The following DMXL2 variants were observed in gnomAD, a reference collection of about 807,000 sequenced individuals.
The protein encoded by DMXL2 is Dmx like 2.
Under a neutral mutation model 331.1 loss-of-function variants are expected in DMXL2, and 103 were observed. The ratio of observed to expected loss-of-function variants is 0.31; its 90% CI spans 0.27 to 0.37. The LOEUF is 0.37. DMXL2 is among the 10% of genes least tolerant of loss of function. The pLI, the probability that DMXL2 is intolerant of heterozygous loss-of-function variation, is 1.00. For synonymous variants in DMXL2, 1,281 were observed against 1,252.1 expected (o/e 1.02, Z -0.49); for missense variants, 3,171 against 3,642.9 (o/e 0.87, Z 3.33).
At chr15:51,564,092 T>C (rs772147245) in intron 5 of DMXL2, 33 bp downstream of exon 5, 10 of 1,557,634 alleles carry the variant, frequency 6.4e-6, no homozygotes, top group Admixed American at 4.4e-5. Context: ...TTGCTTTTAA[T>C]TAATGAATAT....
At chr15:51,544,451 A>C (rs1306047310) in intron 8 of DMXL2, among the ~76,000 whole-genome samples, 1 of 152,186 alleles carries the variant, frequency 6.6e-6, no homozygotes, top group Admixed American at 6.5e-5. Context: ...TGCTTCCTAT[A>C]GGACCATGAG....
At chr15:51,586,703 G>A (rs1295862725) in intron 1 of DMXL2, among the ~76,000 whole-genome samples, 4 of 151,948 alleles carry the variant, frequency 2.6e-5, no homozygotes, top group Non-Finnish European at 4.4e-5. Flanking sequence ...ATATACCTCT[G>A]ATAAAGAAGA....
chr15:51,466,399 A>T (rs1004661127), intron 29 of DMXL2, 88 bp from the exon 30 acceptor site: 6 of 414,234 alleles, frequency 1.4e-5, no homozygotes, highest in African/African-American at 1.3e-4. Flanking sequence ...TTATATATTT[A>T]ATATAGAAAA....
chr15:51,519,291 AT>A (rs1339895167), intron 13 of DMXL2, among the ~76,000 whole-genome samples: 1 of 151,700 alleles, frequency 6.6e-6, no homozygotes. Flanking sequence ...AAATTTTTTA[AT>A]TTTTTTGTAG....
intron 1 of DMXL2, among the ~76,000 whole-genome samples, chr15:51,620,774 A>G (rs10519312): frequency 0.48 from 72,290 of 151,982 alleles, 17,599 homozygotes; most frequent in Non-Finnish European, 0.52. Flanking sequence ...GAATTAGGGA[A>G]GTGCAAGAAG....
At chr15:51,493,343 A>C (rs968933085) in intron 19 of DMXL2, among the ~76,000 whole-genome samples, 1 of 152,198 alleles carries the variant, frequency 6.6e-6, no homozygotes, top group East Asian at 1.9e-4. Flanking sequence ...ATTAATTAAA[A>C]TTTTGGTATA....
At chr15:51,565,400 C>G (rs973527346) in intron 3 of DMXL2, among the ~76,000 whole-genome samples, 1 of 152,088 alleles carries the variant, frequency 6.6e-6, no homozygotes, top group African/African-American at 2.4e-5. Context: ...AAAGCAGGTT[C>G]TCTCACGCTT....
intron 30 of DMXL2, among the ~76,000 whole-genome samples, 154 bp from the exon 31 acceptor site, chr15:51,465,805 A>C (rs1208862780): frequency 6.6e-6 from 1 of 152,248 alleles, no homozygotes; most frequent in East Asian, 1.9e-4. Context: ...CTCTGTGGTC[A>C]CTGAATACAA....
intron 22 of DMXL2, among the ~76,000 whole-genome samples, chr15:51,486,954 T>TA (rs201009112): frequency 8.5e-4 from 128 of 151,400 alleles, no homozygotes; most frequent in African/African-American, 2.8e-3. Flanking sequence ...GGGATAATTG[T>TA]AAAAAAAAAC....
chr15:51,473,374 T>A (rs2041294207), intron 28 of DMXL2, among the ~76,000 whole-genome samples: 1 of 152,124 alleles, frequency 6.6e-6, no homozygotes, highest in Admixed American at 6.5e-5. Context: ...TAAATTACCA[T>A]GAACAAAAAA....
At chr15:51,465,697 C>A (rs1348261890) in intron 30 of DMXL2, 46 bp from the exon 31 acceptor site, 1 of 1,370,952 alleles carries the variant, frequency 7.3e-7, no homozygotes, top group Admixed American at 2.2e-5. Flanking sequence ...AAAATAAAAT[C>A]ATGGGAGAAA....
intron 28 of DMXL2, among the ~76,000 whole-genome samples, chr15:51,473,853 T>C (rs2041335659): frequency 6.6e-6 from 1 of 152,154 alleles, no homozygotes; most frequent in South Asian, 2.1e-4. Flanking sequence ...AATAAAAAAA[T>C]AGAATTTAAA....
At chr15:51,478,182 C>A in intron 26 of DMXL2, 89 bp downstream of exon 26, 1 of 982,258 alleles carries the variant, frequency 1.0e-6, no homozygotes, top group Non-Finnish European at 1.5e-6. Flanking sequence ...AGGGATTTTT[C>A]AGTCCCTAGG....
intron 1 of DMXL2, among the ~76,000 whole-genome samples, chr15:51,602,812 C>T (rs752358065): frequency 2.0e-4 from 31 of 152,190 alleles, no homozygotes; most frequent in Non-Finnish European, 3.8e-4. Flanking sequence ...AGCTCTAATT[C>T]CTGCTAAAAC....
intron 1 of DMXL2, among the ~76,000 whole-genome samples, chr15:51,590,658 G>C (rs2052233932): frequency 6.6e-6 from 1 of 151,916 alleles, no homozygotes; most frequent in African/African-American, 2.4e-5. Context: ...CTCCCAAGTA[G>C]CTGAAACTAC....
At chr15:51,575,587 T>C (rs1468686485) in intron 2 of DMXL2, among the ~76,000 whole-genome samples, 2 of 152,104 alleles carry the variant, frequency 1.3e-5, no homozygotes, top group Non-Finnish European at 2.9e-5. Context: ...ACCATAAGAC[T>C]CTTCACTCAA....
At chr15:51,487,219 TA>T (rs2042456610) in intron 22 of DMXL2, among the ~76,000 whole-genome samples, 1 of 152,114 alleles carries the variant, frequency 6.6e-6, no homozygotes, top group Admixed American at 6.5e-5. Flanking sequence ...ATTCTAATAT[TA>T]TAAACTATTA....
intron 16 of DMXL2, 56 bp from the exon 17 acceptor site, chr15:51,503,089 G>C (rs2043798146): frequency 5.3e-6 from 6 of 1,122,316 alleles, no homozygotes; most frequent in African/African-American, 1.6e-5. Flanking sequence ...CTATAAATAG[G>C]AGCTAGAATA....
intron 25 of DMXL2, 53 bp downstream of exon 25, chr15:51,479,895 A>G (rs1429928074): frequency 3.0e-6 from 4 of 1,315,504 alleles, no homozygotes; most frequent in Middle Eastern, 2.3e-4. Context: ...CAGGTATAAC[A>G]TATTTACCTT....
Sources: gnomAD v4.1 joint callset for allele counts (sites outside exome capture counted in the v4.1 genomes callset) on GRCh38, gnomAD v4.1.1 for gene constraint, MANE v1.5 for transcripts, NCBI Gene and HGNC (gene_info 2026-07-23, HGNC 2026-07-21) for gene names.